The following WDR64 variants were observed in gnomAD, a reference collection of about 807,000 sequenced individuals.
WDR64 encodes the protein WD repeat-containing protein 64.
WDR64 carries 112 observed loss-of-function variants against 139.3 expected under a neutral mutation model. The ratio of observed to expected loss-of-function variants is 0.80; its 90% CI spans 0.69 to 0.94. The LOEUF (loss-of-function observed/expected upper bound fraction) is 0.94, where lower values mean the gene tolerates loss of function less well. WDR64 is among the 40% of genes least tolerant of loss of function. The pLI is 0.00. For missense variants in WDR64, 1,206 were observed against 1,293.1 expected, an observed-to-expected ratio of 0.93 and a Z score of 1.03; for synonymous variants, 444 against 437.7, an observed-to-expected ratio of 1.01 and a Z score of -0.18.
At chr1:241,709,034 A>G (rs1173379121) in intron 8 of WDR64, among the ~76,000 whole-genome samples, 1 of 152,070 alleles carries the variant, frequency 6.6e-6, no homozygotes, top group Non-Finnish European at 1.5e-5. Flanking sequence ...GCTACATATG[A>G]CCCATGGTAT....
In WDR64 at chr1:241,791,071, G is replaced by A. The variant is rs1342868; in HGVS notation, c.2997+375G>A. 3.2e-3 allele frequency among the ~76,000 whole-genome samples: 488 copies of A among 152,098 alleles called. 2 individuals carry two copies. The highest frequency in any genetic ancestry group is 0.011 in the African/African-American group (471 of 41,482). ...GGAGGCCGAGGTGTGTGGATCACCT[G>A]AGGTCAGGAGTTTGAGACCAGCCTG... On this transcript the variant is annotated intron_variant, in intron 25 of 27. Coordinates refer to ENST00000437684, the MANE Select transcript of WDR64 (RefSeq NM_001367482.1).
chr1:241,657,353 A>T (rs1392332711), intron 1 of WDR64, among the ~76,000 whole-genome samples: 1 of 152,078 alleles, frequency 6.6e-6, no homozygotes, highest in African/African-American at 2.4e-5. Flanking sequence ...GGCATATTAT[A>T]TCATTTCACC....
intron 19 of WDR64, among the ~76,000 whole-genome samples, chr1:241,771,985 TA>T (rs1658472402): frequency 7.4e-6 from 1 of 135,690 alleles, no homozygotes; most frequent in African/African-American, 2.7e-5. Flanking sequence ...TATATATATA[TA>T]TATTCTTTTT....
Position 241,757,495 on chromosome 1 carries a change from CT to C in WDR64, c.1947+41del. The C allele has an allele frequency of 1.9e-6, 3 of 1,562,562 alleles. No homozygotes were observed. In the East Asian group the frequency reaches 6.8e-5, roughly 35 times the overall value. On this transcript the variant is annotated intron_variant, in intron 15 of 27. Coordinates refer to ENST00000437684, the MANE Select transcript of WDR64 (RefSeq NM_001367482.1). ...TCTCTTGGTTTCTTTTTAACTTTTGCTTTTTGTTATGGAAATTTACAAACAT... is the reference window on the plus strand; with the variant it reads ...TCTCTTGGTTTCTTTTTAACTTTTGCTTTTGTTATGGAAATTTACAAACAT...
At chr1:241,735,855 C>CTCTCTCTGTG (rs1248435698) in intron 10 of WDR64, among the ~76,000 whole-genome samples, 2 of 71,610 alleles carry the variant, frequency 2.8e-5, no homozygotes, top group African/African-American at 9.5e-5. Context: ...CTCTCTCTCT[C>CTCTCTCTGTG]TGTGTGTGTG....
chr1:241,796,506 T>C (rs1433793070), intron 27 of WDR64, 136 bp downstream of exon 27: 2 of 576,080 alleles, frequency 3.5e-6, no homozygotes, highest in African/African-American at 3.9e-5. Context: ...TTTTTTTTTT[T>C]CTTGAGGCGG....
chr1:241,664,731 A>G (rs572884165), intron 2 of WDR64, among the ~76,000 whole-genome samples: 1 of 152,174 alleles, frequency 6.6e-6, no homozygotes, highest in African/African-American at 2.4e-5. Context: ...TCAGGTTCTC[A>G]TTTAATCTTC....
rs185721885 is a variant in WDR64, at chr1:241,701,292, A to C, written c.975-10510A>C. On this transcript the variant is annotated intron_variant, in intron 8 of 27. Coordinates refer to ENST00000437684, the MANE Select transcript of WDR64 (RefSeq NM_001367482.1). ...TGCACATGCGCGCACACACACACAC[A>C]CACTCACACACACAGAGCCATTCTT... 9.7e-5 allele frequency among the ~76,000 whole-genome samples: 14 copies of C among 143,714 alleles called. No individual in the cohort carries two copies. The East Asian group carries it at 2.5e-3, about 26-fold the overall frequency. 94.3% of individuals were successfully genotyped at this position (143,714 alleles called of 152,430 possible). A position where few individuals can be genotyped will look rare whatever the true frequency, so the allele number is the denominator to read the frequency against.
intron 13 of WDR64, among the ~76,000 whole-genome samples, chr1:241,747,988 C>A (rs1433367291): frequency 6.6e-6 from 1 of 152,146 alleles, no homozygotes; most frequent in Non-Finnish European, 1.5e-5. Flanking sequence ...ACTGTGCGTC[C>A]ATTCCCATGC....
At chr1:241,721,670 G>GT (rs144757651) in intron 9 of WDR64, among the ~76,000 whole-genome samples, 9,777 of 152,040 alleles carry the variant, frequency 0.064, 1,056 homozygotes, top group African/African-American at 0.23. Flanking sequence ...GTTCTTTGAT[G>GT]TTTTTATGAC....
intron 2 of WDR64, among the ~76,000 whole-genome samples, chr1:241,663,932 T>C (rs1665932074): frequency 6.8e-6 from 1 of 147,888 alleles, no homozygotes; most frequent in South Asian, 2.1e-4. Context: ...TTGTTGCTTT[T>C]TGTTTTTGTT....
Position 241,744,404 on chromosome 1 carries a change from C to G in WDR64, c.1482C>G (p.Leu494=). Residue 494 remains leucine (L), a synonymous_variant, in exon 13 of 28, where the codon CTC becomes CTG. Transcript: ENST00000437684. ...GTTCTTTCCCATAGGTATGGGAACT[C>G]GAGACTGGGCTCCAAGTATACCAGA... ...CSESIIRVWE[L]ETGLQVYQIL... The G allele has an allele frequency of 6.2e-7, 1 of 1,614,008 alleles. No homozygotes were observed. The highest frequency in any genetic ancestry group is 1.3e-5 in the African/African-American group (1 of 75,018).
Position 241,739,046 on chromosome 1 carries a change from C to T in WDR64, c.1321+557C>T, listed in dbSNP as rs150367714. 1.0e-3 allele frequency among the ~76,000 whole-genome samples: 156 copies of T among 152,284 alleles called. 1 individual carries two copies. Among genetic ancestry groups the T allele is most frequent in the African/African-American group, 3.6e-3 (150 of 41,568 alleles). ...ATTTGGGCCCATGCCATTCTGATAA[C>T]GAGTCACTACTCAGTAGGAAAAGTG... On this transcript the variant is annotated intron_variant, in intron 11 of 27. Transcript: ENST00000437684.
intron 10 of WDR64, among the ~76,000 whole-genome samples, chr1:241,734,928 C>A (rs1669237895): frequency 1.3e-5 from 2 of 152,164 alleles, no homozygotes; most frequent in Admixed American, 1.3e-4. Flanking sequence ...CACCTAAGGA[C>A]ACATTTCTCA....
chr1:241,732,922 C>T (rs558792999), intron 10 of WDR64, among the ~76,000 whole-genome samples: 2 of 152,140 alleles, frequency 1.3e-5, no homozygotes, highest in South Asian at 2.1e-4. Flanking sequence ...GAAGAAATGC[C>T]GGGAAATACA....
intron 27 of WDR64, 77 bp downstream of exon 27, chr1:241,796,447 T>A: frequency 1.0e-6 from 1 of 978,728 alleles, no homozygotes; most frequent in Non-Finnish European, 1.5e-6. Context: ...AAAATATGTC[T>A]CTGCTTTCAG....
intron 23 of WDR64, 144 bp from the exon 24 acceptor site, chr1:241,787,705 C>T (rs1039440467): frequency 4.8e-5 from 29 of 598,142 alleles, no homozygotes; most frequent in Non-Finnish European, 1.7e-5. Context: ...ATTAGCTCCA[C>T]AGTATTTCAT....
intron 8 of WDR64, among the ~76,000 whole-genome samples, chr1:241,693,629 T>C (rs371563841): frequency 6.6e-6 from 1 of 152,314 alleles, no homozygotes; most frequent in East Asian, 1.9e-4. Flanking sequence ...AGACTGTGCA[T>C]GTGTGGGGAC....
At chr1:241,711,134 G>C (rs1430847920) in intron 8 of WDR64, among the ~76,000 whole-genome samples, 3 of 152,090 alleles carry the variant, frequency 2.0e-5, no homozygotes, top group Non-Finnish European at 4.4e-5. Context: ...CTACTCAGGA[G>C]GCTGAGGCAG....
Sources: allele counts gnomAD v4.1 joint callset (sites outside exome capture counted in the v4.1 genomes callset), GRCh38; gene constraint gnomAD v4.1.1; transcripts MANE v1.5; gene names NCBI Gene and HGNC (gene_info 2026-07-23, HGNC 2026-07-21).